SYNJ2: variants seen among roughly 807,000 people sequenced by gnomAD.
SYNJ2 encodes the protein polyphosphatidylinositol phosphatase SYNJ2.
Under a neutral mutation model 141.3 loss-of-function variants are expected in SYNJ2, and 116 were observed. The ratio of observed to expected loss-of-function variants is 0.82; its 90% CI spans 0.71 to 0.96. The LOEUF is 0.96. Among genes scored for constraint, SYNJ2 ranks in the 40% least tolerant of loss-of-function variants. SYNJ2 has a pLI of 0.00. For synonymous variants in SYNJ2, 745 were observed against 777.7 expected (o/e 0.96, Z 0.70); for missense variants, 1,873 against 1,934.8 (o/e 0.97, Z 0.60).
At chr6:158,049,418 G>A (rs866558265) in intron 5 of SYNJ2, among the ~76,000 whole-genome samples, 1 of 152,154 alleles carries the variant, frequency 6.6e-6, no homozygotes, top group Non-Finnish European at 1.5e-5. Context: ...AGGATATGAG[G>A]CCCAAGGAAC....
At position 158,084,565 on chromosome 6, in the gene SYNJ2, G is replaced by T. The variant is rs1782913045; in HGVS notation, c.3208+391G>T. Among the ~76,000 whole-genome samples, 1 of 152,144 alleles carries T rather than the reference G, an allele frequency of 6.6e-6. No individual in the cohort carries two copies. ...CACACCTGTAATCCCAGCACTTTGGGAGGCCGAGACAGGTGGATCGCTTGA... is the reference window on the plus strand; with the variant it reads ...CACACCTGTAATCCCAGCACTTTGGTAGGCCGAGACAGGTGGATCGCTTGA... On this transcript the variant is annotated intron_variant, in intron 22 of 26. Transcript: ENST00000355585. This position sits in a 1 kb window ranked among gnomAD's most constrained non-coding sequence, Gnocchi z 5.0.
At chr6:158,017,398 C>A in intron 2 of SYNJ2, 108 bp downstream of exon 2, 41 of 1,075,424 alleles carry the variant, frequency 3.8e-5, no homozygotes, top group Non-Finnish European at 4.9e-5. Context: ...GCTCTTCTCT[C>A]TCTCTTCTTT....
chr6:158,043,451 C>A lies in SYNJ2; in HGVS notation c.795+52C>A. The A allele has an allele frequency of 7.5e-7, 1 of 1,339,056 alleles. No individual in the cohort carries two copies. Among genetic ancestry groups the A allele is most frequent in the Non-Finnish European group, 1.1e-6 (1 of 940,644 alleles). 82.9% of individuals were successfully genotyped at this position (1,339,056 alleles called of 1,614,324 possible). On this transcript the variant is annotated intron_variant, in intron 5 of 26. Transcript: ENST00000355585. The surrounding 1 kb of genome is among the most constrained non-coding windows in gnomAD (Gnocchi z 4.0). ...CCCTTGTGATGTTGTCCGCCCTGCC[C>A]TTCCCTTCAATAGCTGGGGAAGATT...
intron 1 of SYNJ2, among the ~76,000 whole-genome samples, chr6:157,984,611 C>T (rs1386503191): frequency 1.3e-5 from 2 of 151,998 alleles, no homozygotes; most frequent in Non-Finnish European, 2.9e-5. Context: ...GCCATTTTGG[C>T]CAGGCTGGTT....
chr6:157,992,738 T>C (rs1777497995), intron 1 of SYNJ2, among the ~76,000 whole-genome samples: 1 of 151,952 alleles, frequency 6.6e-6, no homozygotes, highest in African/African-American at 2.4e-5. Flanking sequence ...CATAATGACC[T>C]CCAGTTCCAT....
intron 1 of SYNJ2, among the ~76,000 whole-genome samples, chr6:158,008,143 C>T (rs145869705): frequency 1.5e-3 from 223 of 152,128 alleles, no homozygotes; most frequent in African/African-American, 5.3e-3. Flanking sequence ...TTTGTCACCT[C>T]CATTGTGGAG....
intron 2 of SYNJ2, among the ~76,000 whole-genome samples, chr6:158,026,223 G>A (rs942502786): frequency 1.2e-4 from 19 of 152,314 alleles, no homozygotes; most frequent in Non-Finnish European, 2.4e-4. Context: ...GGCTGGCGAC[G>A]TCATCTGCAA....
chr6:157,991,548 A>G (rs1168463181), intron 1 of SYNJ2, among the ~76,000 whole-genome samples: 1 of 152,172 alleles, frequency 6.6e-6, no homozygotes, highest in Non-Finnish European at 1.5e-5. Flanking sequence ...GGGCCCCAAT[A>G]TCTTAATCTG....
chr6:157,999,691 G>A (rs1489087466), intron 1 of SYNJ2, among the ~76,000 whole-genome samples: 1 of 152,210 alleles, frequency 6.6e-6, no homozygotes, highest in Non-Finnish European at 1.5e-5. Flanking sequence ...CAGGTGGTGG[G>A]TAAGGCATCC....
chr6:158,007,168 A>G (rs999874323), intron 1 of SYNJ2, among the ~76,000 whole-genome samples: 4 of 151,886 alleles, frequency 2.6e-5, no homozygotes, highest in African/African-American at 9.7e-5. Context: ...GAGTCTCCCT[A>G]TGTTGTCCAG....
intron 20 of SYNJ2, among the ~76,000 whole-genome samples, chr6:158,082,982 G>C (rs1248178336): frequency 6.6e-6 from 1 of 151,962 alleles, no homozygotes; most frequent in Non-Finnish European, 1.5e-5. Context: ...ACCCAGGCTA[G>C]AGTGCAGTGG....
intron 1 of SYNJ2, among the ~76,000 whole-genome samples, chr6:158,015,272 A>C (rs539248359): frequency 6.6e-6 from 1 of 152,170 alleles, no homozygotes; most frequent in East Asian, 1.9e-4. Context: ...AAATTCCTTA[A>C]CTGTGGGAGT....
chr6:158,082,806 C>T (rs1388234459), intron 20 of SYNJ2, among the ~76,000 whole-genome samples: 1 of 152,236 alleles, frequency 6.6e-6, no homozygotes, highest in Non-Finnish European at 1.5e-5. Flanking sequence ...CTCGCACTGC[C>T]ATGTGGGAGA....
intron 2 of SYNJ2, among the ~76,000 whole-genome samples, chr6:158,019,771 T>G (rs1431513887): frequency 2.0e-5 from 3 of 152,144 alleles, no homozygotes; most frequent in African/African-American, 7.2e-5. Flanking sequence ...TGTGTATGAG[T>G]TTGACTTTGG....
intron 22 of SYNJ2, among the ~76,000 whole-genome samples, chr6:158,085,126 C>T (rs1782953130): frequency 6.6e-6 from 1 of 151,486 alleles, no homozygotes; most frequent in African/African-American, 2.4e-5. Context: ...CTCAAGCGAT[C>T]CTCCCACCTC....
intron 12 of SYNJ2, chr6:158,067,493 C>T (rs758840963): frequency 1.0e-6 from 1 of 985,470 alleles, no homozygotes; most frequent in Non-Finnish European, 1.2e-6. Flanking sequence ...TGAATGGCCC[C>T]AGAACTTAGG....
intron 1 of SYNJ2, among the ~76,000 whole-genome samples, chr6:157,991,908 A>G (rs1342240935): frequency 9.1e-6 from 1 of 109,306 alleles, no homozygotes; most frequent in African/African-American, 4.3e-5. Flanking sequence ...ATGCCAAGGG[A>G]TTGATTAAAA....
chr6:157,982,205 G>C lies in SYNJ2; in HGVS notation c.127+117G>C. ...GATCGGGCGGCGCTGGGACTGCCGG[G>C]GCGTAGGGGTCGCGCGCAGAGGGGT... is the stretch of plus-strand genomic sequence containing the variant. On this transcript the variant is annotated intron_variant, in intron 1 of 26. Transcript: ENST00000355585. This position sits in a 1 kb window ranked among gnomAD's most constrained non-coding sequence, Gnocchi z 4.0. The C allele has an allele frequency of 8.3e-7, 1 of 1,211,116 alleles. No homozygotes were observed. Among genetic ancestry groups the C allele is most frequent in the African/African-American group, 1.6e-5 (1 of 63,572 alleles). 75.0% of individuals were successfully genotyped at this position (1,211,116 alleles called of 1,614,324 possible). A position where few individuals can be genotyped will look rare whatever the true frequency, so the allele number is the denominator to read the frequency against.
At chr6:158,086,797 T>C in intron 22 of SYNJ2, 58 bp from the exon 23 acceptor site, 1 of 1,585,950 alleles carries the variant, frequency 6.3e-7, no homozygotes, top group Non-Finnish European at 8.6e-7. Context: ...CAGATCCGTG[T>C]CTGACACGCT....
Sources: allele counts gnomAD v4.1 joint callset (sites outside exome capture counted in the v4.1 genomes callset), GRCh38; gene constraint gnomAD v4.1.1; non-coding constraint Gnocchi (gnomAD v3.1); transcripts MANE v1.5; gene names NCBI Gene and HGNC (gene_info 2026-07-23, HGNC 2026-07-21).